SATB1: variants seen among roughly 807,000 people sequenced by gnomAD.
SATB1 encodes SATB homeobox 1.
A neutral mutation model predicts 86.9 loss-of-function variants in SATB1; 11 were observed. The observed-to-expected ratio is 0.13, with a 90% CI of 0.08 to 0.21. The LOEUF is 0.21. Among genes scored for constraint, SATB1 ranks in the 10% least tolerant of loss-of-function variants. The probability of loss-of-function intolerance (pLI) is 1.00; values close to 1 mark genes in which losing one functional copy is unlikely to be tolerated. For synonymous variants in SATB1, 357 were observed against 357.2 expected, an observed-to-expected ratio of 1.00 and a Z score of 0.01; for missense variants, 551 against 937.6, an observed-to-expected ratio of 0.59 and a Z score of 5.39.
chr3:18,397,050 C>A, intron 6 of SATB1, 129 bp downstream of exon 6: 1 of 633,810 alleles, frequency 1.6e-6, no homozygotes, highest in Non-Finnish European at 2.9e-6. Context: ...ACTTCCCACC[C>A]CCAAAGAAAC....
At position 18,444,604 on chromosome 3, in the gene SATB1, C is replaced by T. The variant is rs1699331732; in HGVS notation, c.-25+914G>A. The T allele has an allele frequency of 3.0e-6, 3 of 985,642 alleles. No individual in the cohort carries two copies. In the South Asian group the frequency reaches 1.4e-4, roughly 46 times the overall value. The allele number at this position is 985,642 out of a possible 1,614,324, so 61.1% of individuals were successfully genotyped here. On this transcript the variant is annotated intron_variant, in intron 1 of 3. Coordinates refer to the SATB1 transcript ENST00000415069. This position sits in a 1 kb window ranked among gnomAD's most constrained non-coding sequence, Gnocchi z 5.1. Reference sequence around the variant, plus strand: ...AAAAGGGAGGCAAAAGAGCAGAACTCACTCAGGCATGGACGTTGGGGGCGG... The same window carrying T: ...AAAAGGGAGGCAAAAGAGCAGAACTTACTCAGGCATGGACGTTGGGGGCGG...
Position 18,352,623 on chromosome 3 carries a change from G to T in SATB1, c.1576-428C>A. 5.5e-6 allele frequency: 1 copy of T among 181,414 alleles called. No individual in the cohort carries two copies. The allele number at this position is 181,414 out of a possible 1,614,324, so 11.2% of individuals were successfully genotyped here. A position where few individuals can be genotyped will look rare whatever the true frequency, so the allele number is the denominator to read the frequency against. ...ATTTTTTTCTAAAAGGATTTCCTAA[G>T]CTTGTACTTTTTGGATTTGAAAGAA... On this transcript the variant is annotated intron_variant, in intron 9 of 10. Transcript: ENST00000338745. This position sits in a 1 kb window ranked among gnomAD's most constrained non-coding sequence, Gnocchi z 4.1.
intron 9 of SATB1, among the ~76,000 whole-genome samples, chr3:18,356,954 G>C (rs1457139804): frequency 1.3e-5 from 2 of 151,680 alleles, no homozygotes; most frequent in Non-Finnish European, 3.0e-5. Context: ...GAGAAAAAAA[G>C]TCATTTAATG....
rs566545136 is a variant in SATB1 at position 18,357,646 on chromosome 3, C to A, written c.1576-5451G>T. ...GGAAAATGAGTTCTAATTGTCAGAG[C>A]TACCAAATCCTTCACCTTTAGCATA... On this transcript the variant is annotated intron_variant, in intron 9 of 10. Transcript: ENST00000338745. Among the ~76,000 whole-genome samples the A allele has an allele frequency of 1.1e-4, 17 of 149,924 alleles. No individual in the cohort carries two copies. In the East Asian group the frequency reaches 2.0e-3, roughly 17 times the overall value.
chr3:18,374,901 C>T (rs1160387867), intron 9 of SATB1, among the ~76,000 whole-genome samples: 1 of 152,150 alleles, frequency 6.6e-6, no homozygotes, highest in Non-Finnish European at 1.5e-5. Flanking sequence ...CTTTTGCATA[C>T]ATTGTAGCAT....
chr3:18,396,935 C>A (rs1159217156), intron 6 of SATB1, among the ~76,000 whole-genome samples: 3 of 152,110 alleles, frequency 2.0e-5, no homozygotes, highest in Non-Finnish European at 4.4e-5. Flanking sequence ...AATGACAGCT[C>A]CCCTCCCAAC....
At chr3:18,427,294 C>T (rs79476934), upstream of SATB1, among the ~76,000 whole-genome samples, 1,203 of 152,234 alleles carry the variant, frequency 7.9e-3, 4 homozygotes, top group African/African-American at 0.027. Flanking sequence ...TCCCTGAAAC[C>T]TGCCTTGTTT....
chr3:18,397,098 TG>T, intron 6 of SATB1, 80 bp downstream of exon 6: 2 of 808,814 alleles, frequency 2.5e-6, no homozygotes, highest in Non-Finnish European at 4.4e-6. Flanking sequence ...TCAAAAGACC[TG>T]GCTTTAGATG....
At chr3:18,364,161 T>A (rs1369379807) in intron 9 of SATB1, among the ~76,000 whole-genome samples, 2 of 152,192 alleles carry the variant, frequency 1.3e-5, no homozygotes, top group Non-Finnish European at 2.9e-5. Context: ...ATTTATCTAA[T>A]CATTGATCTC....
At chr3:18,437,219 A>C (rs2125205595) in intron 1 of SATB1, among the ~76,000 whole-genome samples, 1 of 152,284 alleles carries the variant, frequency 6.6e-6, no homozygotes, top group East Asian at 1.9e-4. Flanking sequence ...GGCCGAAGTC[A>C]TCAAAAAACA....
At chr3:18,445,484 C>A in intron 1 of SATB1, 1 of 985,340 alleles carries the variant, frequency 1.0e-6, no homozygotes, top group Non-Finnish European at 1.2e-6. Context: ...GTGCGCGGCG[C>A]GGTTCTCGTC....
chr3:18,410,925 A>G (rs1018238271), intron 5 of SATB1: 20 of 391,622 alleles, frequency 5.1e-5, no homozygotes, highest in Non-Finnish European at 7.7e-5. Context: ...TTTAATTCCT[A>G]CGGAAATGAC....
intron 10 of SATB1, chr3:18,351,295 G>A: frequency 6.5e-7 from 1 of 1,533,468 alleles, no homozygotes; most frequent in Non-Finnish European, 8.7e-7. Flanking sequence ...GGTGGCATAG[G>A]TAACTGTGCC....
At chr3:18,379,260 A>C (rs149606940) in intron 8 of SATB1, among the ~76,000 whole-genome samples, 1,787 of 152,318 alleles carry the variant, frequency 0.012, 31 homozygotes, top group African/African-American at 0.041. Flanking sequence ...TTAAAACTCC[A>C]AATTTATTTT....
chr3:18,431,399 C>T (rs746276996), intron 2 of SATB1, among the ~76,000 whole-genome samples: 1 of 152,182 alleles, frequency 6.6e-6, no homozygotes, highest in Non-Finnish European at 1.5e-5. Context: ...ATATGTCTGC[C>T]TCTCCAAACT....
chr3:18,372,487 T>C (rs1392199664), intron 9 of SATB1, among the ~76,000 whole-genome samples: 1 of 152,192 alleles, frequency 6.6e-6, no homozygotes, highest in Non-Finnish European at 1.5e-5. Context: ...TTTTTAAAGG[T>C]AGGTAATACC....
intron 9 of SATB1, among the ~76,000 whole-genome samples, chr3:18,363,346 C>T (rs140361135): frequency 1.1e-3 from 168 of 152,190 alleles, no homozygotes; most frequent in African/African-American, 3.7e-3. Flanking sequence ...ATTTGAAAGA[C>T]CCAAATCTTG....
intron 6 of SATB1, among the ~76,000 whole-genome samples, chr3:18,396,032 G>T (rs1344303384): frequency 6.6e-6 from 1 of 152,074 alleles, no homozygotes; most frequent in Admixed American, 6.5e-5. Flanking sequence ...TTATCATAGC[G>T]CTATAGCTCC....
At chr3:18,355,956 T>C (rs1315260552) in intron 9 of SATB1, among the ~76,000 whole-genome samples, 2 of 152,014 alleles carry the variant, frequency 1.3e-5, no homozygotes, top group Non-Finnish European at 2.9e-5. Context: ...GTAAATAAAT[T>C]AGTAAAACTT....
Sources: gnomAD v4.1 joint callset for allele counts (sites outside exome capture counted in the v4.1 genomes callset) on GRCh38, gnomAD v4.1.1 for gene constraint, Gnocchi (gnomAD v3.1) non-coding constraint, MANE v1.5 for transcripts, NCBI Gene and HGNC (gene_info 2026-07-23, HGNC 2026-07-21) for gene names.